ADSL: variants seen among roughly 807,000 people sequenced by gnomAD.
The protein encoded by ADSL is adenylosuccinase.
ADSL carries 44 observed loss-of-function variants against 62.1 expected under a neutral mutation model. That is an observed-to-expected ratio of 0.71 (90% CI 0.56 to 0.91). The LOEUF is 0.91. Ranked by LOEUF, ADSL falls within the 40% of genes least tolerant of loss-of-function variation. The pLI is 0.00. For missense variants in ADSL, 531 were observed against 627.4 expected, an observed-to-expected ratio of 0.85 and a Z score of 1.64; for synonymous variants, 198 against 220.5, an observed-to-expected ratio of 0.90 and a Z score of 0.90.
intron 2 of ADSL, among the ~76,000 whole-genome samples, chr22:40,374,385 T>G (rs994482064): frequency 6.6e-6 from 1 of 152,244 alleles, no homozygotes; most frequent in African/African-American, 2.4e-5. Context: ...AGGTATATAC[T>G]TTTAGGGAAA....
chr22:40,382,730 T>G (rs1444765427), intron 2 of ADSL, among the ~76,000 whole-genome samples: 3 of 152,226 alleles, frequency 2.0e-5, no homozygotes, highest in African/African-American at 7.2e-5. Context: ...GAAGAGCATG[T>G]GTGAGATACG....
intron 2 of ADSL, among the ~76,000 whole-genome samples, chr22:40,386,196 A>G (rs2048418772): frequency 6.6e-6 from 1 of 152,256 alleles, no homozygotes; most frequent in Middle Eastern, 3.4e-3. Context: ...AGGAACTTAA[A>G]TGGGGCTAGA....
At chr22:40,349,746 A>G in intron 1 of ADSL, 86 bp from the exon 2 acceptor site, 1 of 1,211,342 alleles carries the variant, frequency 8.3e-7, no homozygotes, top group Non-Finnish European at 1.2e-6. Context: ...TGCTGCTAAC[A>G]TGAATCAGTT....
downstream of ADSL, among the ~76,000 whole-genome samples, chr22:40,371,635 T>C (rs1454005038): frequency 6.6e-6 from 1 of 152,238 alleles, no homozygotes; most frequent in East Asian, 1.9e-4. Context: ...ACAGTTGAAT[T>C]ACATCTTTGT....
chr22:40,361,272 G>T lies in ADSL; in HGVS notation c.793-1G>T. On this transcript the variant is annotated splice_acceptor_variant, in intron 7 of 12. Transcript: ENST00000623063. LOFTEE classifies it high-confidence loss of function. ...GATGCTTATTCCCCTACCTCCCCCA[G>T]ATTTGCACCGACATACGCCTCCTGG... is the stretch of plus-strand genomic sequence containing the variant. 1 of 1,614,102 alleles carries T rather than the reference G, an allele frequency of 6.2e-7. No individual in the cohort carries two copies. The highest frequency in any genetic ancestry group is 8.5e-7 in the Non-Finnish European group (1 of 1,180,002).
intron 2 of ADSL, among the ~76,000 whole-genome samples, chr22:40,376,947 C>A (rs2046734452): frequency 6.6e-6 from 1 of 152,156 alleles, no homozygotes. Flanking sequence ...ATAGGAATAA[C>A]CAAATATGCT....
At chr22:40,348,509 A>G (rs1358353666) in intron 1 of ADSL, 1 of 398,482 alleles carries the variant, frequency 2.5e-6, no homozygotes, top group Non-Finnish European at 4.4e-6. Flanking sequence ...TCAGCCTCCC[A>G]AGCTGGAACT....
intron 3 of ADSL, 94 bp from the exon 4 acceptor site, chr22:40,354,154 A>AT: frequency 8.8e-7 from 1 of 1,138,128 alleles, no homozygotes. Flanking sequence ...TAGCGGTCTA[A>AT]TTTTATACAA....
chr22:40,347,667 G>T (rs1236530252), intron 1 of ADSL, among the ~76,000 whole-genome samples: 1 of 152,056 alleles, frequency 6.6e-6, no homozygotes, highest in African/African-American at 2.4e-5. Flanking sequence ...CAAAATATTG[G>T]GCGATACACT....
At chr22:40,346,744 G>A (rs1272489192) in intron 1 of ADSL, 33 bp downstream of exon 1, 3 of 1,572,354 alleles carry the variant, frequency 1.9e-6, no homozygotes, top group Non-Finnish European at 2.6e-6. Flanking sequence ...GCTGGGCCGG[G>A]AGGGACGGGC....
At chr22:40,379,211 G>A (rs1601749286) in intron 2 of ADSL, 1 of 152,128 alleles carries the variant, frequency 6.6e-6, no homozygotes. Context: ...CTGTGTTCCC[G>A]ACACTTAAAA....
At chr22:40,364,432 A>C in intron 11 of ADSL, 67 bp downstream of exon 11, 1 of 1,352,646 alleles carries the variant, frequency 7.4e-7, no homozygotes, top group Non-Finnish European at 1.0e-6. Context: ...CTTCTCCGTG[A>C]AGGAGAGCAG....
Position 40,365,076 on chromosome 22 carries a change from C to T in ADSL, c.1368+20C>T. 2 of 1,607,904 alleles carry T rather than the reference C, an allele frequency of 1.2e-6. No individual in the cohort carries two copies. The highest frequency in any genetic ancestry group is 1.7e-6 in the Non-Finnish European group (2 of 1,175,150). On this transcript the variant is annotated intron_variant, in intron 12 of 12. Transcript: ENST00000623063. ...CAGCAGGTAAGCTTCCAAGAAGCCT[C>T]TTTTCTGCTGGGCTGCAGAACCTGG...
At chr22:40,387,238 G>A (rs940149748) in intron 2 of ADSL, 4 of 398,352 alleles carry the variant, frequency 1.0e-5, no homozygotes, top group Non-Finnish European at 1.8e-5. Flanking sequence ...TGATACCTCC[G>A]TCTACTCACT....
At chr22:40,356,396 G>C (rs2044558840) in intron 4 of ADSL, among the ~76,000 whole-genome samples, 1 of 151,962 alleles carries the variant, frequency 6.6e-6, no homozygotes, top group Non-Finnish European at 1.5e-5. Context: ...ATAGCTGGGT[G>C]TGGTGGCAGA....
At chr22:40,383,396 GGTGGAGCTCGCAGT>G (rs1301357509) in intron 2 of ADSL, among the ~76,000 whole-genome samples, 5 of 151,632 alleles carry the variant, frequency 3.3e-5, no homozygotes, top group Non-Finnish European at 1.5e-5. Context: ...GAACCTGGGA[GGTGGAGCTCGCAGT>G]GAGCCGAGAT....
chr22:40,357,135 A>T (rs1194121327), intron 4 of ADSL, among the ~76,000 whole-genome samples: 1 of 151,622 alleles, frequency 6.6e-6, no homozygotes, highest in Non-Finnish European at 1.5e-5. Flanking sequence ...GCTTCAAGTG[A>T]TCCACCTGCC....
At chr22:40,381,367 T>C (rs2047553088) in intron 2 of ADSL, among the ~76,000 whole-genome samples, 1 of 152,150 alleles carries the variant, frequency 6.6e-6, no homozygotes, top group Non-Finnish European at 1.5e-5. Flanking sequence ...GAGGCTGGTC[T>C]CAAACTCTTG....
At chr22:40,382,134 G>C (rs993609827) in intron 2 of ADSL, among the ~76,000 whole-genome samples, 1 of 152,122 alleles carries the variant, frequency 6.6e-6, no homozygotes, top group Non-Finnish European at 1.5e-5. Flanking sequence ...TGCCTGCCAT[G>C]TGAGGTCAGG....
Sources: gnomAD v4.1 joint callset for allele counts (sites outside exome capture counted in the v4.1 genomes callset) on GRCh38, gnomAD v4.1.1 for gene constraint, MANE v1.5 for transcripts, NCBI Gene and HGNC (gene_info 2026-07-23, HGNC 2026-07-21) for gene names.